The following PEMT variants were observed in gnomAD, a reference collection of about 807,000 sequenced individuals.
PEMT encodes phospholipid methyltransferase.
A neutral mutation model predicts 27.4 loss-of-function variants in PEMT; 23 were observed. The observed-to-expected ratio is 0.84, with a 90% CI of 0.60 to 1.19. The LOEUF (loss-of-function observed/expected upper bound fraction) is 1.19. Ranked by LOEUF, PEMT falls within the 50% of genes most tolerant of loss-of-function variation. PEMT has a pLI of 0.00. For missense variants in PEMT, 307 were observed against 310.1 expected, an observed-to-expected ratio of 0.99 and a Z score of 0.07; for synonymous variants, 137 against 139.1, an observed-to-expected ratio of 0.98 and a Z score of 0.11.
chr17:17,555,454 C>G (rs1399905504), intron 2 of PEMT, among the ~76,000 whole-genome samples: 3 of 152,230 alleles, frequency 2.0e-5, no homozygotes, highest in African/African-American at 7.2e-5. Flanking sequence ...TCAACAGTTT[C>G]CCCTGCAAGG....
intron 2 of PEMT, among the ~76,000 whole-genome samples, chr17:17,558,818 C>T (rs991362005): frequency 3.3e-5 from 5 of 152,038 alleles, no homozygotes; most frequent in East Asian, 1.9e-4. Context: ...CCCTTCCAGC[C>T]GACACCCCTC....
intron 4 of PEMT, among the ~76,000 whole-genome samples, chr17:17,511,427 G>T (rs1012413780): frequency 6.6e-6 from 1 of 152,228 alleles, no homozygotes; most frequent in Non-Finnish European, 1.5e-5. Context: ...CTCCCTCGGG[G>T]GGACCCCTAC....
intron 3 of PEMT, chr17:17,518,214 CAGCCA>C: frequency 1.1e-6 from 1 of 942,306 alleles, no homozygotes; most frequent in Non-Finnish European, 1.3e-6. Flanking sequence ...TCTCCTCCCA[CAGCCA>C]GGAGGGAGGA....
intron 2 of PEMT, among the ~76,000 whole-genome samples, chr17:17,524,324 G>T (rs1907510844): frequency 6.6e-6 from 1 of 152,164 alleles, no homozygotes; most frequent in South Asian, 2.1e-4. Flanking sequence ...GGGTCACATG[G>T]TAAATCTATT....
Position 17,561,530 on chromosome 17 carries a change from G to A in PEMT, c.204+15390C>T, listed in dbSNP as rs1469802846. ...GACGGTAAGGCTGGAGGTAGGAAGA[G>A]GGAACAGACGAGGGTCACTGACGCT... On this transcript the variant is annotated intron_variant, in intron 2 of 6. Coordinates refer to ENST00000255389, the MANE Select transcript of PEMT (RefSeq NM_148172.3). The surrounding 1 kb of genome is among the most constrained non-coding windows in gnomAD (Gnocchi z 4.5). Among the ~76,000 whole-genome samples the A allele has an allele frequency of 1.3e-5, 2 of 152,206 alleles. No individual in the cohort carries two copies. Among genetic ancestry groups the A allele is most frequent in the African/African-American group, 2.4e-5 (1 of 41,456 alleles).
At chr17:17,591,451 G>T in intron 1 of PEMT, 80 bp downstream of exon 1, 2 of 1,156,288 alleles carry the variant, frequency 1.7e-6, no homozygotes, top group Non-Finnish European at 2.4e-6. Context: ...CGCAGCGTTT[G>T]AGGCGCCGCA....
At position 17,513,353 on chromosome 17, in the gene PEMT, T is replaced by C. The variant is rs1407691710; in HGVS notation, c.321-699A>G. Among the ~76,000 whole-genome samples, 1 of 152,154 alleles carries C rather than the reference T, an allele frequency of 6.6e-6. No homozygotes were observed. The highest frequency in any genetic ancestry group is 2.4e-5 in the African/African-American group (1 of 41,438). ...GGCTCACGCCTGCAATCCCAGCACTTTGGGAGGCCGAGGTGGGCGGGTCAC... is the reference window on the plus strand; with the variant it reads ...GGCTCACGCCTGCAATCCCAGCACTCTGGGAGGCCGAGGTGGGCGGGTCAC... On this transcript the variant is annotated intron_variant, in intron 3 of 6. Coordinates refer to ENST00000255389, the MANE Select transcript of PEMT (RefSeq NM_148172.3). This position sits in a 1 kb window ranked among gnomAD's most constrained non-coding sequence, Gnocchi z 4.1.
At chr17:17,586,224 G>GAA (rs1434110724) in intron 1 of PEMT, among the ~76,000 whole-genome samples, 3 of 48,160 alleles carry the variant, frequency 6.2e-5, no homozygotes, top group Non-Finnish European at 1.2e-4. Flanking sequence ...GAAAAAGAAA[G>GAA]AAAGAAAGAA....
intron 2 of PEMT, among the ~76,000 whole-genome samples, chr17:17,530,737 C>T (rs555183931): frequency 1.3e-5 from 2 of 152,164 alleles, no homozygotes; most frequent in South Asian, 2.1e-4. Context: ...ACTATATACA[C>T]ATTAATTATG....
At chr17:17,531,288 G>A (rs1211999644) in intron 2 of PEMT, among the ~76,000 whole-genome samples, 4 of 152,070 alleles carry the variant, frequency 2.6e-5, no homozygotes, top group Non-Finnish European at 5.9e-5. Context: ...GCTGGCTAAA[G>A]GCAGACATGC....
chr17:17,562,751 G>A (rs1168054027), intron 2 of PEMT, among the ~76,000 whole-genome samples: 2 of 152,180 alleles, frequency 1.3e-5, no homozygotes, highest in Non-Finnish European at 2.9e-5. Context: ...AGAGCTTGCA[G>A]TGAGTGGAGA....
chr17:17,586,527 G>A (rs1597971420), intron 1 of PEMT, among the ~76,000 whole-genome samples: 1 of 152,204 alleles, frequency 6.6e-6, no homozygotes, highest in South Asian at 2.1e-4. Context: ...CACAGAAAGC[G>A]ATCGTGGAAA....
intron 2 of PEMT, among the ~76,000 whole-genome samples, chr17:17,529,157 G>C (rs541378353): frequency 6.6e-6 from 1 of 152,328 alleles, no homozygotes; most frequent in South Asian, 2.1e-4. Context: ...GGCTCTCCGA[G>C]GTCGCACCGT....
At chr17:17,571,946 G>A (rs1272684256) in intron 2 of PEMT, among the ~76,000 whole-genome samples, 1 of 152,194 alleles carries the variant, frequency 6.6e-6, no homozygotes, top group African/African-American at 2.4e-5. Context: ...CGATCCGCCT[G>A]CCTTGGCCTC....
intron 2 of PEMT, among the ~76,000 whole-genome samples, chr17:17,529,972 T>G (rs1698984289): frequency 6.6e-6 from 1 of 152,062 alleles, no homozygotes; most frequent in African/African-American, 2.4e-5. Flanking sequence ...ATATATTCAT[T>G]AAGTAAAAAA....
chr17:17,538,035 C>A (rs1229888440), intron 2 of PEMT, among the ~76,000 whole-genome samples: 1 of 152,202 alleles, frequency 6.6e-6, no homozygotes, highest in Non-Finnish European at 1.5e-5. Context: ...CTGCCGGGAC[C>A]CATGGCATGC....
chr17:17,560,811 A>C (rs966172768), intron 2 of PEMT, among the ~76,000 whole-genome samples: 6 of 151,838 alleles, frequency 4.0e-5, no homozygotes, highest in Non-Finnish European at 7.4e-5. Context: ...CAGGGTGTCC[A>C]GCCTCCCCTC....
intron 2 of PEMT, among the ~76,000 whole-genome samples, chr17:17,539,485 C>T (rs1908727464): frequency 6.6e-6 from 1 of 152,220 alleles, no homozygotes; most frequent in Non-Finnish European, 1.5e-5. Context: ...TATGATGCCT[C>T]TGCGATGCGC....
At chr17:17,522,228 C>A (rs1907321560) in intron 3 of PEMT, 52 bp downstream of exon 3, 1 of 1,310,222 alleles carries the variant, frequency 7.6e-7, no homozygotes, top group Non-Finnish European at 1.1e-6. Flanking sequence ...CCAGTAGCGG[C>A]CCTCCCGCTA....
Sources: gnomAD v4.1 joint callset for allele counts (sites outside exome capture counted in the v4.1 genomes callset) on GRCh38, gnomAD v4.1.1 for gene constraint, Gnocchi (gnomAD v3.1) non-coding constraint, MANE v1.5 for transcripts, NCBI Gene and HGNC (gene_info 2026-07-23, HGNC 2026-07-21) for gene names.